MGAT4C: variants seen among roughly 807,000 people sequenced by gnomAD.
MGAT4C encodes alpha-1,3-mannosyl-glycoprotein 4-beta-N-acetylglucosaminyltransferase C.
In MGAT4C, 19 loss-of-function variants were observed where a neutral mutation model predicts 40.1. The ratio of observed to expected loss-of-function variants is 0.47; its 90% CI spans 0.33 to 0.70. The LOEUF is 0.70. Ranked by LOEUF, MGAT4C falls within the 30% of genes least tolerant of loss-of-function variation. The pLI, the probability that MGAT4C is intolerant of heterozygous loss-of-function variation, is 0.02. For missense variants in MGAT4C, 491 were observed against 563.2 expected (o/e 0.87, Z 1.30); for synonymous variants, 181 against 187.1 (o/e 0.97, Z 0.27).
At position 86,042,760 on chromosome 12, in the gene MGAT4C, C is replaced by T. The variant is rs376208434; in HGVS notation, c.-7+6914G>A. Among the ~76,000 whole-genome samples, 74 of 149,946 alleles carry T rather than the reference C, an allele frequency of 4.9e-4. No individual in the cohort carries two copies. The South Asian group carries it at 8.8e-3, about 18-fold the overall frequency. On this transcript the variant is annotated intron_variant, in intron 2 of 4. Coordinates refer to ENST00000611864, the MANE Select transcript of MGAT4C (RefSeq NM_001351288.2). Reference sequence around the variant, plus strand: ...GCAGGCACCTGTAGTCCCAGCTACTCGGGAGGCTGAGGCAGGAGAATGGTG... The same window carrying T: ...GCAGGCACCTGTAGTCCCAGCTACTTGGGAGGCTGAGGCAGGAGAATGGTG...
intron 1 of MGAT4C, among the ~76,000 whole-genome samples, chr12:86,179,607 A>T (rs1767945630): frequency 6.6e-6 from 1 of 152,198 alleles, no homozygotes; most frequent in Non-Finnish European, 1.5e-5. Context: ...TGGGAACTGG[A>T]GCAGAGGTGA....
intron 2 of MGAT4C, among the ~76,000 whole-genome samples, chr12:86,584,548 T>G (rs1461606972): frequency 6.6e-6 from 1 of 151,210 alleles, no homozygotes; most frequent in Admixed American, 6.6e-5. Flanking sequence ...TTAATATTTC[T>G]TTTACCTATT....
chr12:86,740,030 C>T (rs961376632), intron 1 of MGAT4C, among the ~76,000 whole-genome samples: 11 of 150,890 alleles, frequency 7.3e-5, no homozygotes, highest in African/African-American at 2.7e-4. Context: ...TCCCCAAGTC[C>T]ATAACTGTTG....
intron 1 of MGAT4C, among the ~76,000 whole-genome samples, chr12:86,089,190 A>C (rs1470666836): frequency 6.6e-6 from 1 of 152,010 alleles, no homozygotes; most frequent in African/African-American, 2.4e-5. Flanking sequence ...GTATAAAGCT[A>C]TTAGAATTAT....
At chr12:86,373,632 C>A (rs1955763482) in intron 3 of MGAT4C, among the ~76,000 whole-genome samples, 1 of 151,150 alleles carries the variant, frequency 6.6e-6, no homozygotes. Flanking sequence ...GAAATGGGAA[C>A]TGCCATCACA....
intron 2 of MGAT4C, among the ~76,000 whole-genome samples, chr12:86,551,022 G>A (rs370167914): frequency 4.6e-5 from 7 of 151,800 alleles, no homozygotes; most frequent in African/African-American, 1.5e-4. Flanking sequence ...GATCAGTCAC[G>A]TGCCCACATC....
chr12:86,225,487 A>G (rs1951040490), intron 1 of MGAT4C, among the ~76,000 whole-genome samples: 1 of 152,122 alleles, frequency 6.6e-6, no homozygotes, highest in African/African-American at 2.4e-5. Context: ...ACAAGGACAT[A>G]ACACAAAAAG....
intron 2 of MGAT4C, among the ~76,000 whole-genome samples, chr12:86,436,764 G>A (rs1957145462): frequency 6.6e-6 from 1 of 151,672 alleles, no homozygotes; most frequent in Admixed American, 6.6e-5. Flanking sequence ...TTGGAGAATA[G>A]GCATTTAGTG....
At position 86,741,634 on chromosome 12, in the gene MGAT4C, G is replaced by A. The variant is rs142674756; in HGVS notation, c.-261-14393C>T. Reference sequence around the variant, plus strand: ...TTAACTCAGAATACAAAATGACTACGCAGAATCAGTCTCTGACACTACTCA... The same window carrying A: ...TTAACTCAGAATACAAAATGACTACACAGAATCAGTCTCTGACACTACTCA... On this transcript the variant is annotated intron_variant, in intron 1 of 7. Coordinates refer to the MGAT4C transcript ENST00000548651. Among the ~76,000 whole-genome samples, 1,323 of 151,356 alleles carry A rather than the reference G, an allele frequency of 8.7e-3. 8 individuals are homozygous for A. The highest frequency in any genetic ancestry group is 0.017 in the Middle Eastern group (5 of 294).
chr12:86,566,570 A>ATATG (rs772676488), intron 2 of MGAT4C, among the ~76,000 whole-genome samples: 49 of 39,332 alleles, frequency 1.2e-3, no homozygotes, highest in East Asian at 2.7e-3. Context: ...ATATATATAT[A>ATATG]TATATGTATA....
In MGAT4C at chr12:86,478,633, T is replaced by C. The variant is rs148457307; in HGVS notation, c.-228-43368A>G. Among the ~76,000 whole-genome samples the C allele has an allele frequency of 2.0e-4, 31 of 152,272 alleles. 1 individual carries two copies. The East Asian group carries it at 5.4e-3, about 27-fold the overall frequency. On this transcript the variant is annotated intron_variant, in intron 2 of 7. Transcript: ENST00000548651. The stretch of plus-strand genomic sequence containing the variant: ...TAAATATCTAAGTCAGTTCCCCACT[T>C]ACTGCCCATGGCAATTCAAATTCCC...
chr12:86,096,532 T>G (rs1243004493), intron 1 of MGAT4C, among the ~76,000 whole-genome samples: 1 of 151,542 alleles, frequency 6.6e-6, no homozygotes, highest in Non-Finnish European at 1.5e-5. Flanking sequence ...CTTCAAGTTT[T>G]ACCTTCACTT....
chr12:86,329,292 C>A (rs1954602375), intron 4 of MGAT4C, among the ~76,000 whole-genome samples: 2 of 151,896 alleles, frequency 1.3e-5, no homozygotes, highest in South Asian at 4.2e-4. Context: ...GCCTGTAATC[C>A]CAGCACTTTG....
intron 2 of MGAT4C, among the ~76,000 whole-genome samples, chr12:86,044,441 C>T (rs542196573): frequency 3.9e-5 from 6 of 152,242 alleles, no homozygotes; most frequent in African/African-American, 1.2e-4. Flanking sequence ...AGCTTCTGTG[C>T]ACATGTTTGC....
intron 2 of MGAT4C, among the ~76,000 whole-genome samples, chr12:86,583,975 G>A (rs1328704770): frequency 6.6e-6 from 1 of 150,856 alleles, no homozygotes; most frequent in Non-Finnish European, 1.5e-5. Context: ...TACATTTAAT[G>A]TATATTATTT....
At position 86,362,257 on chromosome 12, in the gene MGAT4C, T is replaced by C. The variant is rs1364752908; in HGVS notation, c.-119-28130A>G. On this transcript the variant is annotated intron_variant, in intron 3 of 7. Coordinates refer to the MGAT4C transcript ENST00000548651. The stretch of plus-strand genomic sequence containing the variant: ...CAAGGACGGAAAACCAAACACTGCA[T>C]GTTCTCACTCATAGGTGTGAATTGA... Among the ~76,000 whole-genome samples, 4 of 152,192 alleles carry C rather than the reference T, an allele frequency of 2.6e-5. No homozygotes were observed. In the East Asian group the frequency reaches 7.7e-4, roughly 29 times the overall value.
rs530020206 is a variant in MGAT4C at position 86,375,491 on chromosome 12, T to C, written c.-119-41364A>G. ...AGGTTTATTTTTTTTTCTTTATAGT[T>C]AACCTAATCAATCTGTTTCTTAAAG... On this transcript the variant is annotated intron_variant, in intron 3 of 7. Coordinates refer to the MGAT4C transcript ENST00000548651. Among the ~76,000 whole-genome samples, 10 of 152,208 alleles carry C rather than the reference T, an allele frequency of 6.6e-5. No homozygotes were observed. The South Asian group carries it at 2.1e-3, about 32-fold the overall frequency.
At chr12:86,108,442 A>G (rs1876613599) in intron 1 of MGAT4C, among the ~76,000 whole-genome samples, 1 of 152,118 alleles carries the variant, frequency 6.6e-6, no homozygotes, top group Non-Finnish European at 1.5e-5. Flanking sequence ...TAGAAGCTAA[A>G]CAACACTGGC....
chr12:86,289,527 C>G (rs988481767), intron 4 of MGAT4C, among the ~76,000 whole-genome samples: 3 of 152,018 alleles, frequency 2.0e-5, no homozygotes, highest in Non-Finnish European at 4.4e-5. Flanking sequence ...TTAATTATTT[C>G]TATCCATGAA....
Sources: gnomAD v4.1 joint callset for allele counts (sites outside exome capture counted in the v4.1 genomes callset) on GRCh38, gnomAD v4.1.1 for gene constraint, MANE v1.5 for transcripts, NCBI Gene and HGNC (gene_info 2026-07-23, HGNC 2026-07-21) for gene names.